MLH3: variants seen among roughly 807,000 people sequenced by gnomAD.
MLH3 encodes DNA mismatch repair protein Mlh3.
In MLH3, 82 loss-of-function variants were observed where a neutral mutation model predicts 122.2. The ratio of observed to expected loss-of-function variants is 0.67; its 90% CI spans 0.56 to 0.81. The LOEUF (loss-of-function observed/expected upper bound fraction) is 0.81. MLH3 is among the 30% of genes least tolerant of loss of function. MLH3 has a pLI of 0.00. For missense variants in MLH3, 1,539 were observed against 1,714.5 expected, an observed-to-expected ratio of 0.90 and a Z score of 1.81; for synonymous variants, 524 against 599.5, an observed-to-expected ratio of 0.87 and a Z score of 1.84.
intron 9 of MLH3, among the ~76,000 whole-genome samples, chr14:75,028,878 G>C (rs1441373181): frequency 2.0e-5 from 3 of 151,824 alleles, no homozygotes; most frequent in Admixed American, 6.6e-5. Context: ...GCCAGGCGTA[G>C]TGGCTCATGC....
chr14:75,022,585 G>A (rs1292748261), intron 11 of MLH3, among the ~76,000 whole-genome samples: 2 of 152,188 alleles, frequency 1.3e-5, no homozygotes, highest in Non-Finnish European at 2.9e-5. Context: ...TCCTCTAGGA[G>A]TTATTCCTCC....
intron 6 of MLH3, among the ~76,000 whole-genome samples, chr14:75,034,050 G>A (rs61980786): frequency 2.7e-4 from 41 of 152,162 alleles, no homozygotes; most frequent in Non-Finnish European, 4.3e-4. Flanking sequence ...AAAATTAGCT[G>A]GGTGTGGTGG....
chr14:75,048,746 C>T lies in MLH3; in HGVS notation c.910G>A (p.Gly304Ser), dbSNP rs2139594960. 1 of 1,614,080 alleles carries T rather than the reference C, an allele frequency of 6.2e-7. No homozygotes were observed. The highest frequency in any genetic ancestry group is 1.1e-5 in the South Asian group (1 of 91,070). The change falls in exon 2 of 13, where the codon GGC becomes AGC. Residue 304 changes from glycine (G) to serine (S), a missense_variant. Coordinates refer to ENST00000355774, the MANE Select transcript of MLH3 (RefSeq NM_001040108.2). ...CACTGCACATTAATTACATATATGC[C>T]ATAGAGTTCTGGGGTAGACCGGTGC... ...LRHRSTPELYGIYVINVQCQF... is the reference protein window; with the variant it reads ...LRHRSTPELYSIYVINVQCQF...
At position 75,047,048 on chromosome 14, in the gene MLH3, A is replaced by T; in HGVS notation, c.2608T>A (p.Ser870Thr). The change falls in exon 2 of 13, where the codon TCT (serine) becomes ACT (threonine). Residue 870 changes from serine (S) to threonine (T), a missense_variant. Transcript: ENST00000355774. ...GATAATTTAGAGGCTAGTGATTCAG[A>T]TGACTTCTCAAGGTCCAAAGGTTTT... Reference protein sequence around the residue: ...NRKPLDLEKSSESLASKLSRL... With the variant: ...NRKPLDLEKSTESLASKLSRL... The T allele has an allele frequency of 1.2e-6, 2 of 1,614,178 alleles. No homozygotes were observed. Among genetic ancestry groups the T allele is most frequent in the Middle Eastern group, 1.6e-4 (1 of 6,062 alleles).
In MLH3 at chr14:75,015,586, G is replaced by C; in HGVS notation, c.*1496C>G. On this transcript the variant is annotated 3_prime_UTR_variant, in exon 13 of 13. Coordinates refer to ENST00000355774, the MANE Select transcript of MLH3 (RefSeq NM_001040108.2). Reference sequence around the variant, plus strand: ...CCCCTGACAGCCTGGCAAATCCTCTGAAAACTCTCTCCTTTCTAAGGTCAT... The same window carrying C: ...CCCCTGACAGCCTGGCAAATCCTCTCAAAACTCTCTCCTTTCTAAGGTCAT... The C allele has an allele frequency of 5.4e-6, 1 of 184,586 alleles. No homozygotes were observed. The highest frequency in any genetic ancestry group is 8.8e-5 in the East Asian group (1 of 11,390). The allele number at this position is 184,586 out of a possible 1,614,324, so 11.4% of individuals were successfully genotyped here. A position where few individuals can be genotyped will look rare whatever the true frequency, so the allele number is the denominator to read the frequency against.
chr14:75,014,481 CTCT>C lies in MLH3; in HGVS notation c.*2598_*2600del, dbSNP rs1889796965. Reference sequence around the variant, plus strand: ...ATTCTGATAGTGGGACTGCTAGCTCCTCTTCTTTCAATAATAAAGGGCTAGCTG... The same window carrying C: ...ATTCTGATAGTGGGACTGCTAGCTCCTCTTTCAATAATAAAGGGCTAGCTG... On this transcript the variant is annotated 3_prime_UTR_variant, in exon 13 of 13. Coordinates refer to ENST00000355774, the MANE Select transcript of MLH3 (RefSeq NM_001040108.2). 5.3e-6 allele frequency: 1 copy of C among 188,792 alleles called. No homozygotes were observed. The highest frequency in any genetic ancestry group is 2.3e-5 in the African/African-American group (1 of 42,874). 11.7% of individuals were successfully genotyped at this position (188,792 alleles called of 1,614,324 possible).
Position 75,049,660 on chromosome 14 carries a change from G to A in MLH3, c.-5C>T, listed in dbSNP as rs1447850440. ...AACTGACAAGCACTTGATCATGGTA[G>A]GTAGAAAGATGGTGAGAATGCCAGG... is the stretch of plus-strand genomic sequence containing the variant. On this transcript the variant is annotated 5_prime_UTR_variant, in exon 2 of 13. Coordinates refer to ENST00000355774, the MANE Select transcript of MLH3 (RefSeq NM_001040108.2). 4 of 1,613,152 alleles carry A rather than the reference G, an allele frequency of 2.5e-6. No individual in the cohort carries two copies. The highest frequency in any genetic ancestry group is 3.4e-6 in the Non-Finnish European group (4 of 1,179,562).
rs754772376 is a variant in MLH3 at position 75,048,236 on chromosome 14, C to T, written c.1420G>A (p.Glu474Lys). The change falls in exon 2 of 13, where the codon GAG (glutamate) becomes AAG (lysine). Residue 474 changes from glutamate to lysine, a missense_variant. Transcript: ENST00000355774. ...CCAGCTTCTGATGCTACAATTGTCT[C>T]TTGTTCTAACATCTTTGATTCTGAG... ...SCSESKMLEQETIVASEAGEN... is the reference protein window; with the variant it reads ...SCSESKMLEQKTIVASEAGEN... 1.9e-6 allele frequency: 3 copies of T among 1,613,872 alleles called. No individual in the cohort carries two copies. Among genetic ancestry groups the T allele is most frequent in the South Asian group, 2.2e-5 (2 of 91,012 alleles).
At position 75,047,786 on chromosome 14, in the gene MLH3, C is replaced by G. The variant is rs28756986; in HGVS notation, c.1870G>C (p.Glu624Gln). The change falls in exon 2 of 13, where the codon GAA becomes CAA. Residue 624 changes from glutamate to glutamine, a missense_variant. Physicochemically the swap from Glu to Gln is conservative, Grantham distance 29. Coordinates refer to ENST00000355774, the MANE Select transcript of MLH3 (RefSeq NM_001040108.2). ...QNEKTKSTET[E>Q]HSFKNYVRPG... ...CTAACATAATTTTTAAATGAATGTT[C>G]TGTTTCAGTTGATTTAGTTTTTTCA... The G allele has an allele frequency of 9.6e-3, 15,555 of 1,614,018 alleles. 95 individuals are homozygous for G. Among genetic ancestry groups the G allele is most frequent in the Non-Finnish European group, 0.012 (13,615 of 1,179,946 alleles).
intron 3 of MLH3, 34 bp from the exon 4 acceptor site, chr14:75,041,734 C>A (rs1210378180): frequency 6.7e-7 from 1 of 1,497,612 alleles, no homozygotes; most frequent in Non-Finnish European, 9.3e-7. Context: ...AGTTGGCATC[C>A]AGAACCACAG....
At position 75,047,677 on chromosome 14, in the gene MLH3, C is replaced by T. The variant is rs2139572342; in HGVS notation, c.1979G>A (p.Ser660Asn). 6.2e-7 allele frequency: 1 copy of T among 1,613,990 alleles called. No individual in the cohort carries two copies. The highest frequency in any genetic ancestry group is 1.1e-5 in the South Asian group (1 of 91,036). Residue 660 changes from serine to asparagine, a missense_variant, in exon 2 of 13, where the codon AGC becomes AAC. Coordinates refer to ENST00000355774, the MANE Select transcript of MLH3 (RefSeq NM_001040108.2). ...TTGACCAGATTCTTTACTTAAAGTG[C>T]TGGCTAAATCTTTGATGTCTGGAGT... ...VETPDIKDLA[S>N]TLSKESGQLP...
Position 75,038,427 on chromosome 14 carries a change from A to G in MLH3, c.3571-15T>C. The stretch of plus-strand genomic sequence containing the variant: ...TGCTGGAGAACCTGTCAGACATTCA[A>G]ATAAGTGGTACAACACTAAATAAAA... On this transcript the variant is annotated splice_polypyrimidine_tract_variant and intron_variant, in intron 5 of 12. Coordinates refer to ENST00000355774, the MANE Select transcript of MLH3 (RefSeq NM_001040108.2). 1.3e-6 allele frequency: 2 copies of G among 1,530,288 alleles called. No homozygotes were observed. Among genetic ancestry groups the G allele is most frequent in the Non-Finnish European group, 1.8e-6 (2 of 1,103,986 alleles). The allele number at this position is 1,530,288 out of a possible 1,614,324, so 94.8% of individuals were successfully genotyped here.
At chr14:75,037,623 A>G (rs1891509129) in intron 6 of MLH3, among the ~76,000 whole-genome samples, 1 of 152,162 alleles carries the variant, frequency 6.6e-6, no homozygotes. Context: ...ACATGAAAAT[A>G]TTATTAAAAA....
chr14:75,044,939 T>G (rs1038211567), intron 2 of MLH3, among the ~76,000 whole-genome samples: 1 of 152,230 alleles, frequency 6.6e-6, no homozygotes. Flanking sequence ...TCCCAACATC[T>G]GGCTCTCAAC....
At chr14:75,033,309 T>C (rs1160247858) in intron 7 of MLH3, 110 bp downstream of exon 7, 13 of 839,732 alleles carry the variant, frequency 1.5e-5, no homozygotes, top group Non-Finnish European at 2.2e-5. Context: ...TTTTTGAACA[T>C]ACAGTACAAA....
chr14:75,044,016 A>C (rs1380883394), intron 2 of MLH3, among the ~76,000 whole-genome samples: 2 of 151,906 alleles, frequency 1.3e-5, no homozygotes, highest in Non-Finnish European at 2.9e-5. Context: ...TTGAACTCAG[A>C]AGGCGGAGGT....
chr14:75,017,866 C>A lies in MLH3; in HGVS notation c.4243-665G>T, dbSNP rs1487932980. On this transcript the variant is annotated intron_variant, in intron 12 of 12. Transcript: ENST00000355774. ...GGTTAGCAAAAGAAAAGATTTTGGG[C>A]AGGGCGCAGTGGCTCATGCCTATAA... Among the ~76,000 whole-genome samples, 8 of 152,154 alleles carry A rather than the reference C, an allele frequency of 5.3e-5. 1 individual carries two copies. Among genetic ancestry groups the A allele is most frequent in the Non-Finnish European group, 1.2e-4 (8 of 68,028 alleles).
At position 75,049,379 on chromosome 14, in the gene MLH3, G is replaced by C. The variant is rs28756978; in HGVS notation, c.277C>G (p.Arg93Gly). 8.1e-5 allele frequency: 130 copies of C among 1,613,968 alleles called. No individual in the cohort carries two copies. In the East Asian group the frequency reaches 2.8e-3, roughly 35 times the overall value. Reference sequence around the variant, plus strand: ...GCAATATTTGCCAAGGCCTCTCCTCGGAAACCATAAAACCTTGGATTCTCC... The same window carrying C: ...GCAATATTTGCCAAGGCCTCTCCTCCGAAACCATAAAACCTTGGATTCTCC... The part of the protein sequence containing the change: ...DLENPRFYGF[R>G]GEALANIADM... The change falls in exon 2 of 13, where the codon CGA becomes GGA. Residue 93 changes from arginine to glycine, a missense_variant. By Grantham distance (125) the Arg-to-Gly change is moderately radical (BLOSUM62 -2). Transcript: ENST00000355774.
chr14:75,045,422 A>G (rs1337281063), intron 2 of MLH3, among the ~76,000 whole-genome samples: 3 of 152,254 alleles, frequency 2.0e-5, no homozygotes, highest in Non-Finnish European at 1.5e-5. Flanking sequence ...CATTATAATA[A>G]AGTACATTTG....
Sources: gnomAD v4.1 joint callset for allele counts (sites outside exome capture counted in the v4.1 genomes callset) on GRCh38, gnomAD v4.1.1 for gene constraint, MANE v1.5 for transcripts, NCBI Gene and HGNC (gene_info 2026-07-23, HGNC 2026-07-21) for gene names.